The following NRDC variants were observed in gnomAD, a reference collection of about 807,000 sequenced individuals.
NRDC encodes nardilysin convertase.
NRDC carries 54 observed loss-of-function variants against 147.1 expected under a neutral mutation model. That is an observed-to-expected ratio of 0.37 (90% CI 0.29 to 0.46). The LOEUF is 0.46. Ranked by LOEUF, NRDC falls within the 20% of genes least tolerant of loss-of-function variation. NRDC has a pLI of 1.00. For missense variants in NRDC, 1,082 were observed against 1,370.6 expected (o/e 0.79, Z 3.33); for synonymous variants, 440 against 482.1 (o/e 0.91, Z 1.14).
chr1:51,818,364 A>G lies in NRDC; in HGVS notation c.1292-229T>C, dbSNP rs117381091. ...AGAAAGCAGGGATAAAAGAACTATG[A>G]GGATATGAAATGCTGCTGTGTATGG... On this transcript the variant is annotated intron_variant, in intron 9 of 30. Coordinates refer to ENST00000352171, the MANE Select transcript of NRDC (RefSeq NM_001101662.2). Among the ~76,000 whole-genome samples, 1,381 of 152,330 alleles carry G rather than the reference A, an allele frequency of 9.1e-3. 36 individuals are homozygous for G. In the South Asian group the frequency reaches 0.097, roughly 11 times the overall value.
chr1:51,824,584 AACTAAATCCTCCC>A (rs1680361938), intron 6 of NRDC, among the ~76,000 whole-genome samples: 1 of 152,314 alleles, frequency 6.6e-6, no homozygotes, highest in African/African-American at 2.4e-5. Flanking sequence ...ATGAGGCTGT[AACTAAATCCTCCC>A]ACTAAGAAAA....
intron 17 of NRDC, among the ~76,000 whole-genome samples, chr1:51,807,819 G>A (rs967518777): frequency 6.6e-5 from 9 of 136,134 alleles, no homozygotes; most frequent in South Asian, 4.4e-4. Context: ...TTTTTTTGGC[G>A]TGTGTGATGG....
chr1:51,820,873 T>G (rs1232620145), intron 8 of NRDC, among the ~76,000 whole-genome samples: 2 of 152,178 alleles, frequency 1.3e-5, no homozygotes, highest in Non-Finnish European at 2.9e-5. Context: ...TTAAATTTTT[T>G]GTAAACTTTG....
At chr1:51,847,540 G>A (rs1379703833) in intron 1 of NRDC, among the ~76,000 whole-genome samples, 1 of 152,228 alleles carries the variant, frequency 6.6e-6, no homozygotes, top group Non-Finnish European at 1.5e-5. Context: ...GTCAGCTAAG[G>A]CCCGGCGAGA....
intron 9 of NRDC, 60 bp from the exon 10 acceptor site, chr1:51,818,195 A>G: frequency 9.3e-7 from 1 of 1,075,574 alleles, no homozygotes; most frequent in Non-Finnish European, 1.3e-6. Flanking sequence ...CTTTTACTAC[A>G]AGAATGTTTA....
At position 51,876,142 on chromosome 1, in the gene NRDC, G is replaced by T. The variant is rs1193502634; in HGVS notation, c.341+2133C>A. On this transcript the variant is annotated intron_variant, in intron 1 of 30. Coordinates refer to ENST00000352171, the MANE Select transcript of NRDC (RefSeq NM_001101662.2). ...CACAGTGTAGATTCCATAAATATTAGTTATTATATAACTTTATATAGGCTG... is the reference window on the plus strand; with the variant it reads ...CACAGTGTAGATTCCATAAATATTATTTATTATATAACTTTATATAGGCTG... Among the ~76,000 whole-genome samples, 3 of 151,832 alleles carry T rather than the reference G, an allele frequency of 2.0e-5. No individual in the cohort carries two copies. The East Asian group carries it at 5.8e-4, about 29-fold the overall frequency.
At chr1:51,829,326 A>C (rs1571876027) in intron 4 of NRDC, among the ~76,000 whole-genome samples, 1 of 152,320 alleles carries the variant, frequency 6.6e-6, no homozygotes, top group East Asian at 1.9e-4. Context: ...GATTATAGGC[A>C]TGAGTCACCA....
Position 51,789,389 on chromosome 1 carries a change from A to G in NRDC, c.3303T>C (p.Pro1101=), listed in dbSNP as rs1557892324. 2.5e-6 allele frequency: 4 copies of G among 1,614,048 alleles called. No homozygotes were observed. Among genetic ancestry groups the G allele is most frequent in the Middle Eastern group, 1.6e-4 (1 of 6,084 alleles). ...GKYELEEDGT[P]SSEDSNSSCE... The stretch of plus-strand genomic sequence containing the variant: ...AAGAAGAATTTGAATCCTCACTAGA[A>G]GGGGTACCATCCTCTTCCAGTTCAT... The change falls in exon 31 of 31, where the codon CCT becomes CCC. Residue 1101 remains proline, a synonymous_variant. Coordinates refer to ENST00000352171, the MANE Select transcript of NRDC (RefSeq NM_001101662.2).
intron 29 of NRDC, 198 bp from the exon 30 acceptor site, chr1:51,789,855 A>C: frequency 1.7e-6 from 1 of 584,510 alleles, no homozygotes; most frequent in Non-Finnish European, 3.1e-6. Context: ...TATACCAATC[A>C]TCTACAATGG....
At position 51,853,817 on chromosome 1, in the gene NRDC, T is replaced by C. The variant is rs533284497; in HGVS notation, c.342-13303A>G. Among the ~76,000 whole-genome samples, 7 of 152,294 alleles carry C rather than the reference T, an allele frequency of 4.6e-5. No homozygotes were observed. In the South Asian group the frequency reaches 1.4e-3, roughly 32 times the overall value. On this transcript the variant is annotated intron_variant, in intron 1 of 30. Transcript: ENST00000352171. ...TAAAATAAATTAGAGAACAAGTCAC[T>C]TGGTTACAACAGATCTCCCTGACTG...
At position 51,840,304 on chromosome 1, in the gene NRDC, A is replaced by T; in HGVS notation, c.552T>A (p.Asp184Glu). ...DEDEFDDEHD[D>E]DLDTEDNELE... ...ATTCATTATCCTCAGTATCAAGATC[A>T]TCATCATGTTCATCATCAAACTCAT... Residue 184 changes from aspartate (D) to glutamate (E), a missense_variant, in exon 2 of 31, where the codon GAT becomes GAA. Asp to Glu is a conservative substitution (Grantham distance 45, BLOSUM62 2). Coordinates refer to ENST00000352171, the MANE Select transcript of NRDC (RefSeq NM_001101662.2). 1 of 1,581,448 alleles carries T rather than the reference A, an allele frequency of 6.3e-7. No individual in the cohort carries two copies. Among genetic ancestry groups the T allele is most frequent in the Non-Finnish European group, 8.7e-7 (1 of 1,150,658 alleles).
At chr1:51,873,516 T>TTTA (rs1401448839) in intron 1 of NRDC, among the ~76,000 whole-genome samples, 6 of 150,552 alleles carry the variant, frequency 4.0e-5, no homozygotes, top group African/African-American at 1.2e-4. Flanking sequence ...TATTTATTTA[T>TTTA]TTATTTATGT....
rs749261709 is a variant in NRDC, at chr1:51,837,555, A to G, written c.631-1343T>C. ...CCAGCAGGGTTGAAGACATTTTTGA[A>G]TAAGTTGACTTAAACCACAGTCTAT... On this transcript the variant is annotated intron_variant, in intron 2 of 30. Transcript: ENST00000352171. 5 of 1,594,522 alleles carry G rather than the reference A, an allele frequency of 3.1e-6. No homozygotes were observed. In the South Asian group the frequency reaches 4.5e-5, roughly 14 times the overall value.
chr1:51,878,184 C>T, intron 1 of NRDC, 91 bp downstream of exon 1: 3 of 1,475,988 alleles, frequency 2.0e-6, no homozygotes, highest in Non-Finnish European at 2.8e-6. Flanking sequence ...CCTGTTGCTC[C>T]ATTGGGAGAC....
At chr1:51,792,149 C>T (rs1379464413) in intron 25 of NRDC, 51 bp from the exon 26 acceptor site, 1 of 1,595,898 alleles carries the variant, frequency 6.3e-7, no homozygotes, top group South Asian at 1.1e-5. Flanking sequence ...GCAGAGAAAC[C>T]TCCATTTCTC....
chr1:51,821,661 AT>A, intron 7 of NRDC, 106 bp from the exon 8 acceptor site: 2 of 809,892 alleles, frequency 2.5e-6, no homozygotes, highest in African/African-American at 1.7e-5. Context: ...ACAAAGGGAT[AT>A]TTTAATTTGG....
At chr1:51,836,402 C>T (rs769809021) in intron 2 of NRDC, 190 bp from the exon 3 acceptor site, 13 of 1,613,652 alleles carry the variant, frequency 8.1e-6, no homozygotes, top group Middle Eastern at 1.6e-4. Flanking sequence ...GCTGCTCCTC[C>T]GCTTGCCATC....
At position 51,814,800 on chromosome 1, in the gene NRDC, C is replaced by T; in HGVS notation, c.1453G>A (p.Ala485Thr). ...SFLRKKCWAL[A>T]LFGGNGETGF... is the part of the protein sequence containing the mutation. ...GTCTCACCATTTCCACCAAACAGTG[C>T]AAGAGCCCAGCATCTACAGGTGGGG... is the stretch of plus-strand genomic sequence containing the variant. Residue 485 changes from alanine to threonine, a missense_variant, in exon 12 of 31, where the codon GCA becomes ACA. Coordinates refer to ENST00000352171, the MANE Select transcript of NRDC (RefSeq NM_001101662.2). The T allele has an allele frequency of 6.3e-7, 1 of 1,598,232 alleles. No individual in the cohort carries two copies. Among genetic ancestry groups the T allele is most frequent in the Non-Finnish European group, 8.5e-7 (1 of 1,174,652 alleles).
chr1:51,806,754 T>C (rs1679483370), intron 18 of NRDC, 40 bp downstream of exon 18: 1 of 1,585,064 alleles, frequency 6.3e-7, no homozygotes, highest in Non-Finnish European at 8.6e-7. Flanking sequence ...AAGAGAACAC[T>C]GGAATTCAGC....
Sources: allele counts gnomAD v4.1 joint callset (sites outside exome capture counted in the v4.1 genomes callset), GRCh38; gene constraint gnomAD v4.1.1; transcripts MANE v1.5; gene names NCBI Gene and HGNC (gene_info 2026-07-23, HGNC 2026-07-21).